CCDC3: variants seen among roughly 807,000 people sequenced by gnomAD.
CCDC3 encodes the protein coiled-coil domain containing 3, also known as coiled-coil domain-containing protein 3.
CCDC3 carries 24 observed loss-of-function variants against 21.4 expected under a neutral mutation model. The ratio of observed to expected loss-of-function variants is 1.12; its 90% CI spans 0.81 to 1.58. CCDC3 has a LOEUF of 1.58. Among genes scored for constraint, CCDC3 ranks in the 40% most tolerant of loss-of-function variants. CCDC3 has a pLI of 0.00. For synonymous variants in CCDC3, 186 were observed against 166.0 expected, an observed-to-expected ratio of 1.12 and a Z score of -0.93; for missense variants, 425 against 360.9, an observed-to-expected ratio of 1.18 and a Z score of -1.44.
At chr10:12,902,486 C>T (rs1834110187) in intron 2 of CCDC3, among the ~76,000 whole-genome samples, 1 of 152,160 alleles carries the variant, frequency 6.6e-6, no homozygotes, top group Non-Finnish European at 1.5e-5. Context: ...GAGTTTTCTA[C>T]AAGTTATGGT....
At chr10:13,065,046 G>A (rs1040827804) in intron 4 of CCDC3, among the ~76,000 whole-genome samples, 2 of 152,096 alleles carry the variant, frequency 1.3e-5, no homozygotes, top group Non-Finnish European at 2.9e-5. Flanking sequence ...TAGTGATTTT[G>A]CAGCCCCAAG....
intron 2 of CCDC3, among the ~76,000 whole-genome samples, chr10:12,923,771 C>G (rs1003274388): frequency 6.6e-6 from 1 of 152,218 alleles, no homozygotes; most frequent in Non-Finnish European, 1.5e-5. Context: ...TGGAACTGGG[C>G]AGGTACTCGG....
intron 2 of CCDC3, among the ~76,000 whole-genome samples, chr10:12,904,649 G>A (rs1010930689): frequency 1.3e-5 from 2 of 151,878 alleles, no homozygotes; most frequent in East Asian, 1.9e-4. Context: ...GGACAAATCC[G>A]TGGAGAGCTC....
chr10:12,945,197 G>A (rs1401069520), intron 2 of CCDC3, among the ~76,000 whole-genome samples: 1 of 152,140 alleles, frequency 6.6e-6, no homozygotes, highest in Non-Finnish European at 1.5e-5. Context: ...GTTCACAACT[G>A]CTTGCTTCCT....
chr10:12,997,829 CA>C (rs1419236431), intron 2 of CCDC3, among the ~76,000 whole-genome samples: 7 of 152,278 alleles, frequency 4.6e-5, no homozygotes, highest in East Asian at 3.9e-4. Flanking sequence ...TGACATAGAT[CA>C]GGGGTGTCCA....
intron 2 of CCDC3, among the ~76,000 whole-genome samples, chr10:12,921,357 G>A (rs936939747): frequency 1.3e-5 from 2 of 152,142 alleles, no homozygotes; most frequent in African/African-American, 4.8e-5. Flanking sequence ...GGCTGTCTGT[G>A]TACGTCTGTG....
chr10:12,985,225 G>A (rs550326189), intron 2 of CCDC3, among the ~76,000 whole-genome samples: 152 of 152,260 alleles, frequency 1.0e-3, no homozygotes, highest in Non-Finnish European at 1.8e-3. Flanking sequence ...ACCATAATGA[G>A]ATAGCACTGC....
intron 2 of CCDC3, among the ~76,000 whole-genome samples, chr10:12,964,203 G>C (rs951477559): frequency 6.6e-6 from 1 of 151,832 alleles, no homozygotes; most frequent in Admixed American, 6.6e-5. Flanking sequence ...AGAAACCCCG[G>C]TTCTACTAAA....
chr10:12,985,881 A>T (rs73583858), intron 2 of CCDC3, among the ~76,000 whole-genome samples: 3 of 152,004 alleles, frequency 2.0e-5, no homozygotes, highest in African/African-American at 7.3e-5. Flanking sequence ...CGAGTTTTTT[A>T]TTTGTTTGTT....
chr10:13,001,582 CCGGGGCGCA>C lies in CCDC3; in HGVS notation c.-21_-13del, dbSNP rs928708616. ...AGCTGGCGCAGCATGCCGGGCCCTC[CCGGGGCGCA>C]CGGGGCGGCGGCGGGGAGCCCGGGG... is the stretch of plus-strand genomic sequence containing the variant. On this transcript the variant is annotated 5_prime_UTR_variant, in exon 1 of 3. Transcript: ENST00000378825. 20 of 1,195,662 alleles carry C rather than the reference CCGGGGCGCA, an allele frequency of 1.7e-5. No individual in the cohort carries two copies. The highest frequency in any genetic ancestry group is 7.1e-5 in the East Asian group (2 of 28,338). The allele number at this position is 1,195,662 out of a possible 1,614,324, so 74.1% of individuals were successfully genotyped here. A position where few individuals can be genotyped will look rare whatever the true frequency, so the allele number is the denominator to read the frequency against.
chr10:12,922,027 A>G (rs920706328), intron 2 of CCDC3, among the ~76,000 whole-genome samples: 2 of 152,078 alleles, frequency 1.3e-5, no homozygotes, highest in African/African-American at 4.8e-5. Context: ...ATTGTGCCTG[A>G]CCCTATCTTA....
chr10:13,063,973 G>A (rs1472302259), intron 4 of CCDC3, among the ~76,000 whole-genome samples: 1 of 151,276 alleles, frequency 6.6e-6, no homozygotes, highest in South Asian at 2.2e-4. Context: ...CTGTCGTCAC[G>A]CTGGAGTGCA....
chr10:12,963,531 G>T (rs1835211636), intron 2 of CCDC3, among the ~76,000 whole-genome samples: 1 of 149,774 alleles, frequency 6.7e-6, no homozygotes, highest in Middle Eastern at 3.2e-3. Flanking sequence ...TATGTATGTT[G>T]CCTAATTCCT....
chr10:12,924,658 G>A (rs1343944127), intron 2 of CCDC3: 2 of 152,122 alleles, frequency 1.3e-5, no homozygotes, highest in Non-Finnish European at 2.9e-5. Context: ...TGGGAGCGTG[G>A]GCTTTCCAAC....
intron 2 of CCDC3, among the ~76,000 whole-genome samples, chr10:12,971,293 C>T (rs1835339768): frequency 6.6e-6 from 1 of 152,246 alleles, no homozygotes; most frequent in South Asian, 2.1e-4. Context: ...CTGGGCAGAA[C>T]ATGCATGTGG....
intron 4 of CCDC3, among the ~76,000 whole-genome samples, chr10:13,071,298 C>A (rs376559978): frequency 4.5e-5 from 3 of 67,324 alleles, no homozygotes; most frequent in Admixed American, 1.6e-4. Context: ...TCCACGCAAC[C>A]CCCCCTCAAG....
intron 2 of CCDC3, among the ~76,000 whole-genome samples, chr10:12,931,814 G>A (rs1215304118): frequency 1.3e-5 from 2 of 152,226 alleles, no homozygotes; most frequent in Non-Finnish European, 2.9e-5. Flanking sequence ...ATTAGGTCCT[G>A]TGTGTTTCTT....
At chr10:13,067,988 A>G (rs1198811619) in intron 4 of CCDC3, among the ~76,000 whole-genome samples, 1 of 151,978 alleles carries the variant, frequency 6.6e-6, no homozygotes, top group Non-Finnish European at 1.5e-5. Context: ...AGACTGAATT[A>G]TTTTTCTCCA....
chr10:13,046,276 C>T (rs765365742), intron 5 of CCDC3, among the ~76,000 whole-genome samples: 1 of 151,940 alleles, frequency 6.6e-6, no homozygotes. Flanking sequence ...CATGATGACT[C>T]ACACCTGTAG....
Sources: allele counts gnomAD v4.1 joint callset (sites outside exome capture counted in the v4.1 genomes callset), GRCh38; gene constraint gnomAD v4.1.1; transcripts MANE v1.5; gene names NCBI Gene and HGNC (gene_info 2026-07-23, HGNC 2026-07-21).